The following PFKFB2 variants were observed in gnomAD, a reference collection of about 807,000 sequenced individuals.
The protein encoded by PFKFB2 is 6-phosphofructo-2-kinase/fructose-2,6-bisphosphatase 2.
In PFKFB2, 53 loss-of-function variants were observed where a neutral mutation model predicts 68.0. The ratio of observed to expected loss-of-function variants is 0.78; its 90% CI spans 0.63 to 0.98. PFKFB2 has a LOEUF of 0.98. Ranked by LOEUF, PFKFB2 falls within the 50% of genes least tolerant of loss-of-function variation. PFKFB2 has a pLI of 0.00. For synonymous variants in PFKFB2, 222 were observed against 227.6 expected (o/e 0.98, Z 0.22); for missense variants, 451 against 642.0 (o/e 0.70, Z 3.22).
At position 207,076,605 on chromosome 1, in the gene PFKFB2, G is replaced by C. The variant is rs75460793; in HGVS notation, c.*4234G>C. On this transcript the variant is annotated 3_prime_UTR_variant, in exon 15 of 15. Transcript: ENST00000367080. ...TTAGACCCATACTGTCCAGGAGACTGTCTCTAGTTGGATCTCTGTGCTGAC... is the reference window on the plus strand; with the variant it reads ...TTAGACCCATACTGTCCAGGAGACTCTCTCTAGTTGGATCTCTGTGCTGAC... 2,894 of 467,812 alleles carry C rather than the reference G, an allele frequency of 6.2e-3. 56 individuals carry two copies. The African/African-American group carries it at 0.069, about 11-fold the overall frequency. 29.0% of individuals were successfully genotyped at this position (467,812 alleles called of 1,614,324 possible).
Position 207,070,911 on chromosome 1 carries a change from C to A in PFKFB2, c.1223-277C>A. 2.5e-6 allele frequency: 1 copy of A among 405,962 alleles called. No homozygotes were observed. The highest frequency in any genetic ancestry group is 2.9e-5 in the South Asian group (1 of 34,800). 25.1% of individuals were successfully genotyped at this position (405,962 alleles called of 1,614,324 possible). A position where few individuals can be genotyped will look rare whatever the true frequency, so the allele number is the denominator to read the frequency against. ...TGTGGTCAGACCTTATTGGCCTTTG[C>A]TGTACCCAGGTGACCCCCTTCCATT... On this transcript the variant is annotated intron_variant, in intron 12 of 14. Transcript: ENST00000367080. The surrounding 1 kb of genome is among the most constrained non-coding windows in gnomAD (Gnocchi z 4.2).
intron 2 of PFKFB2, among the ~76,000 whole-genome samples, chr1:207,058,835 G>GAGATTA (rs1683004354): frequency 6.6e-6 from 1 of 152,144 alleles, no homozygotes; most frequent in African/African-American, 2.4e-5. Context: ...AAAGGAAAAT[G>GAGATTA]AGTTTAAGTT....
downstream of PFKFB2, among the ~76,000 whole-genome samples, chr1:207,078,724 G>T (rs1397218499): frequency 6.6e-6 from 1 of 152,140 alleles, no homozygotes; most frequent in Non-Finnish European, 1.5e-5. Flanking sequence ...GGAGTGCCTG[G>T]TCCAATATGG....
At chr1:207,050,722 C>T, upstream of PFKFB2, 7 of 1,613,254 alleles carry the variant, frequency 4.3e-6, no homozygotes, top group Non-Finnish European at 5.9e-6. Flanking sequence ...GAATGGTATC[C>T]CCATTGCTGA....
At chr1:207,041,468 A>T (rs1682479811) in intron 1 of PFKFB2, among the ~76,000 whole-genome samples, 1 of 152,032 alleles carries the variant, frequency 6.6e-6, no homozygotes, top group Admixed American at 6.6e-5. Context: ...CCCACTTATG[A>T]GTGAGAACAT....
intron 8 of PFKFB2, 184 bp downstream of exon 8, chr1:207,065,344 G>C: frequency 1.0e-6 from 1 of 980,766 alleles, no homozygotes; most frequent in Non-Finnish European, 1.2e-6. Context: ...ATGAAAAATT[G>C]AAGTGGTTGG....
intron 8 of PFKFB2, chr1:207,065,425 A>G (rs1477379479): frequency 2.4e-6 from 1 of 412,976 alleles, no homozygotes; most frequent in African/African-American, 2.2e-5. Context: ...ATCAGGGCCC[A>G]CTGCAACTGC....
chr1:207,057,160 AT>A (rs1207862548), intron 2 of PFKFB2, among the ~76,000 whole-genome samples: 1 of 152,020 alleles, frequency 6.6e-6, no homozygotes, highest in Non-Finnish European at 1.5e-5. Flanking sequence ...GAAAGCAGAA[AT>A]GGAGGGCCGG....
intron 2 of PFKFB2, among the ~76,000 whole-genome samples, chr1:207,055,649 A>G (rs973815279): frequency 1.3e-5 from 2 of 151,738 alleles, no homozygotes; most frequent in African/African-American, 4.9e-5. Flanking sequence ...GGTTATATAT[A>G]TATATATATA....
At chr1:207,059,958 G>A (rs1683037711) in intron 2 of PFKFB2, among the ~76,000 whole-genome samples, 1 of 152,206 alleles carries the variant, frequency 6.6e-6, no homozygotes, top group Non-Finnish European at 1.5e-5. Context: ...AGCAGTGGTG[G>A]GAAGTGGGAG....
rs1189900520 is a variant in PFKFB2, at chr1:207,073,532, G to C, written c.*1161G>C. On this transcript the variant is annotated 3_prime_UTR_variant, in exon 15 of 15. Transcript: ENST00000367080. The stretch of plus-strand genomic sequence containing the variant: ...AAGAAAGAAACATCAAAACAAAATA[G>C]TTTTTACATGACCATTTTTTTCCCA... 3.1e-5 allele frequency: 31 copies of C among 985,024 alleles called. No homozygotes were observed. Among genetic ancestry groups the C allele is most frequent in the Non-Finnish European group, 3.6e-5 (30 of 829,666 alleles). The allele number at this position is 985,024 out of a possible 1,614,324, so 61.0% of individuals were successfully genotyped here.
In PFKFB2 at chr1:207,073,425, T is replaced by C. The variant is rs1216761685; in HGVS notation, c.*1054T>C. The C allele has an allele frequency of 2.0e-6, 2 of 985,302 alleles. No homozygotes were observed. The highest frequency in any genetic ancestry group is 2.4e-6 in the Non-Finnish European group (2 of 829,904). 61.0% of individuals were successfully genotyped at this position (985,302 alleles called of 1,614,324 possible). The stretch of plus-strand genomic sequence containing the variant: ...TTAGATTCAGGAGTCACCACTGATG[T>C]TTGAGTTGCTCAAGGCAAGAGGCAG... On this transcript the variant is annotated 3_prime_UTR_variant, in exon 15 of 15. Transcript: ENST00000367080.
At chr1:207,050,676 C>T (rs1261369290), upstream of PFKFB2, 1 of 1,612,844 alleles carries the variant, frequency 6.2e-7, no homozygotes, top group South Asian at 1.1e-5. Context: ...GGCCCCAGCC[C>T]TGATTCCTTA....
chr1:207,063,884 GT>G lies in PFKFB2; in HGVS notation c.507+56del, dbSNP rs1043454720. ...CTTCACCTTTTGTGCTGTGTGTGTT[GT>G]GGGGTGTGTGTGTGTGTGTGTGTGT... is the stretch of plus-strand genomic sequence containing the variant. On this transcript the variant is annotated intron_variant, in intron 7 of 14. Transcript: ENST00000367080. The surrounding 1 kb of genome is among the most constrained non-coding windows in gnomAD (Gnocchi z 4.1). 11 of 837,902 alleles carry G rather than the reference GT, an allele frequency of 1.3e-5. No individual in the cohort carries two copies. In the African/African-American group the frequency reaches 1.6e-4, roughly 12 times the overall value. 51.9% of individuals were successfully genotyped at this position (837,902 alleles called of 1,614,324 possible).
In PFKFB2 at chr1:207,072,993, G is replaced by T; in HGVS notation, c.*622G>T. ...TTCTGCAGTGGGTCTAAATGGATCTGGACTGGAGGAGTCTTTCCTTTCCTT... is the reference window on the plus strand; with the variant it reads ...TTCTGCAGTGGGTCTAAATGGATCTTGACTGGAGGAGTCTTTCCTTTCCTT... On this transcript the variant is annotated 3_prime_UTR_variant, in exon 15 of 15. Transcript: ENST00000367080. 1 of 985,510 alleles carries T rather than the reference G, an allele frequency of 1.0e-6. No homozygotes were observed. Among genetic ancestry groups the T allele is most frequent in the South Asian group, 4.7e-5 (1 of 21,288 alleles). 61.0% of individuals were successfully genotyped at this position (985,510 alleles called of 1,614,324 possible).
Position 207,077,573 on chromosome 1 carries a change from T to TTGTG in PFKFB2, c.*5202_*5203insTGTG, listed in dbSNP as rs1683664070. The TTGTG allele has an allele frequency of 1.0e-6, 1 of 985,688 alleles. No homozygotes were observed. Among genetic ancestry groups the TTGTG allele is most frequent in the African/African-American group, 1.7e-5 (1 of 57,202 alleles). The allele number at this position is 985,688 out of a possible 1,614,324, so 61.1% of individuals were successfully genotyped here. ...GGGATGGTGTGGGGCTGAGCACCTC[T>TTGTG]GGGTTGAATGGGAATGGGTCAGATT... On this transcript the variant is annotated 3_prime_UTR_variant, in exon 15 of 15. Coordinates refer to ENST00000367080, the MANE Select transcript of PFKFB2 (RefSeq NM_006212.2).
Position 207,070,879 on chromosome 1 carries a change from A to T in PFKFB2, c.1223-309A>T. On this transcript the variant is annotated intron_variant, in intron 12 of 14. Coordinates refer to ENST00000367080, the MANE Select transcript of PFKFB2 (RefSeq NM_006212.2). The surrounding 1 kb of genome is among the most constrained non-coding windows in gnomAD (Gnocchi z 4.2). ...GAGCTCAGCATCCTGAGCTGCTTGG[A>T]AGCTGTTGTGGTCAGACCTTATTGG... 1 of 313,156 alleles carries T rather than the reference A, an allele frequency of 3.2e-6. No homozygotes were observed. The highest frequency in any genetic ancestry group is 6.0e-6 in the Non-Finnish European group (1 of 166,746). The allele number at this position is 313,156 out of a possible 1,614,324, so 19.4% of individuals were successfully genotyped here. A position where few individuals can be genotyped will look rare whatever the true frequency, so the allele number is the denominator to read the frequency against.
Position 207,076,397 on chromosome 1 carries a change from T to C in PFKFB2, c.*4026T>C. 1 of 985,322 alleles carries C rather than the reference T, an allele frequency of 1.0e-6. No individual in the cohort carries two copies. Among genetic ancestry groups the C allele is most frequent in the Non-Finnish European group, 1.2e-6 (1 of 829,868 alleles). The allele number at this position is 985,322 out of a possible 1,614,324, so 61.0% of individuals were successfully genotyped here. A position where few individuals can be genotyped will look rare whatever the true frequency, so the allele number is the denominator to read the frequency against. On this transcript the variant is annotated 3_prime_UTR_variant, in exon 15 of 15. Coordinates refer to ENST00000367080, the MANE Select transcript of PFKFB2 (RefSeq NM_006212.2). ...TAATCTTATGCACATTCCATTGTCT[T>C]TGCCAAGCCCAGAAGCCATGTTGTG...
chr1:207,065,531 T>A (rs903701816), intron 8 of PFKFB2, among the ~76,000 whole-genome samples: 1 of 151,454 alleles, frequency 6.6e-6, no homozygotes, highest in Non-Finnish European at 1.5e-5. Context: ...TTTTTTTTTT[T>A]AGTAAAGATA....
Sources: allele counts gnomAD v4.1 joint callset (sites outside exome capture counted in the v4.1 genomes callset), GRCh38; gene constraint gnomAD v4.1.1; non-coding constraint Gnocchi (gnomAD v3.1); transcripts MANE v1.5; gene names NCBI Gene and HGNC (gene_info 2026-07-23, HGNC 2026-07-21).